Variants in LRRC69 observed in about 807,000 individuals in gnomAD.
LRRC69 encodes the protein leucine rich repeat containing 69.
A neutral mutation model predicts 37.8 loss-of-function variants in LRRC69; 42 were observed. The observed-to-expected ratio is 1.11, with a 90% CI of 0.87 to 1.44. The LOEUF is 1.44. Ranked by LOEUF, LRRC69 falls within the 40% of genes most tolerant of loss-of-function variation. LRRC69 has a pLI of 0.00. For missense variants in LRRC69, 357 were observed against 401.9 expected (o/e 0.89, Z 0.96); for synonymous variants, 141 against 143.1 (o/e 0.99, Z 0.11).
At chr8:91,129,510 T>G (rs1813771510) in intron 3 of LRRC69, among the ~76,000 whole-genome samples, 2 of 151,658 alleles carry the variant, frequency 1.3e-5, no homozygotes, top group South Asian at 4.2e-4. Flanking sequence ...ACAAAAAAGT[T>G]AAAACCAACT....
chr8:91,108,021 A>G (rs1813348968), intron 1 of LRRC69, among the ~76,000 whole-genome samples: 1 of 152,082 alleles, frequency 6.6e-6, no homozygotes. Context: ...TAAAACAAAT[A>G]GCCATCATCT....
intron 7 of LRRC69, among the ~76,000 whole-genome samples, chr8:91,203,551 C>T (rs1376634925): frequency 1.3e-5 from 2 of 151,624 alleles, no homozygotes; most frequent in Non-Finnish European, 2.9e-5. Context: ...CACCACCACA[C>T]CTGGCTTTTT....
At chr8:91,109,235 G>A (rs572759716) in intron 1 of LRRC69, among the ~76,000 whole-genome samples, 1 of 152,196 alleles carries the variant, frequency 6.6e-6, no homozygotes, top group Non-Finnish European at 1.5e-5. Flanking sequence ...TGCTGGAAAT[G>A]CAGCTTCTCT....
In LRRC69 at chr8:91,202,909, A is replaced by T. The variant is rs774610029; in HGVS notation, c.933+2117A>T. Among the ~76,000 whole-genome samples, 4 of 152,230 alleles carry T rather than the reference A, an allele frequency of 2.6e-5. No homozygotes were observed. In the South Asian group the frequency reaches 8.3e-4, roughly 32 times the overall value. On this transcript the variant is annotated intron_variant, in intron 7 of 7. Coordinates refer to ENST00000448384, the Ensembl canonical transcript of LRRC69. ...AGACCAGCTGAGAGATGATGATCGC[A>T]GTGGCAATGGAGGGAAATTATGGAT...
At chr8:91,129,300 T>C (rs62526686) in intron 3 of LRRC69, among the ~76,000 whole-genome samples, 70,250 of 151,716 alleles carry the variant, frequency 0.46, 17,931 homozygotes, top group South Asian at 0.65. Flanking sequence ...TGTTCTTCAA[T>C]CTCCTGGGGA....
intron 5 of LRRC69, among the ~76,000 whole-genome samples, chr8:91,150,461 T>C (rs1808712547): frequency 6.6e-6 from 1 of 152,024 alleles, no homozygotes; most frequent in Non-Finnish European, 1.5e-5. Flanking sequence ...GATAAGCTTT[T>C]TGATGTGCTG....
chr8:91,152,954 C>T lies in LRRC69; in HGVS notation c.651+17215C>T, dbSNP rs1411037977. ...GACAAATTGGATAAAGTGTCAAGAC[C>T]CATCAGTGTGCTGTATTCAAGAGAC... On this transcript the variant is annotated intron_variant, in intron 5 of 7. Coordinates refer to ENST00000448384, the Ensembl canonical transcript of LRRC69. Among the ~76,000 whole-genome samples the T allele has an allele frequency of 9.9e-5, 15 of 151,060 alleles. No homozygotes were observed. In the Admixed American group the frequency reaches 9.9e-4, roughly 10 times the overall value.
chr8:91,174,184 T>C (rs1189535001), intron 5 of LRRC69, among the ~76,000 whole-genome samples: 1 of 152,102 alleles, frequency 6.6e-6, no homozygotes, highest in African/African-American at 2.4e-5. Context: ...TCATAGAGGC[T>C]GTGTGGAAGA....
intron 5 of LRRC69, among the ~76,000 whole-genome samples, chr8:91,181,681 A>G (rs1270066765): frequency 6.6e-6 from 1 of 152,208 alleles, no homozygotes; most frequent in East Asian, 1.9e-4. Flanking sequence ...CAAGAGAGAC[A>G]TTGTAGAGTT....
At chr8:91,113,786 G>T (rs1813453500) in intron 1 of LRRC69, among the ~76,000 whole-genome samples, 1 of 151,654 alleles carries the variant, frequency 6.6e-6, no homozygotes, top group South Asian at 2.1e-4. Context: ...CAGAATGGGA[G>T]AAAATATTTG....
At chr8:91,174,442 G>A (rs1809189548) in intron 5 of LRRC69, among the ~76,000 whole-genome samples, 1 of 152,164 alleles carries the variant, frequency 6.6e-6, no homozygotes, top group Non-Finnish European at 1.5e-5. Context: ...ACCACACTGG[G>A]CCTTGTATGG....
intron 5 of LRRC69, among the ~76,000 whole-genome samples, chr8:91,182,515 C>G (rs1809342472): frequency 6.6e-6 from 1 of 152,122 alleles, no homozygotes; most frequent in South Asian, 2.1e-4. Flanking sequence ...ATTTACTCTG[C>G]CACAGGAACT....
intron 5 of LRRC69, among the ~76,000 whole-genome samples, chr8:91,156,194 A>G (rs1215312730): frequency 1.3e-5 from 2 of 150,902 alleles, no homozygotes; most frequent in African/African-American, 4.8e-5. Context: ...TTGTGTTCTC[A>G]CCAGCATTTA....
At chr8:91,161,227 T>C (rs2130565158) in intron 5 of LRRC69, among the ~76,000 whole-genome samples, 1 of 151,602 alleles carries the variant, frequency 6.6e-6, no homozygotes, top group South Asian at 2.1e-4. Context: ...TGCATCTGTG[T>C]TCATCAAGGT....
At chr8:91,130,625 ATTTGTC>A (rs1256426472) in intron 3 of LRRC69, 2 of 151,916 alleles carry the variant, frequency 1.3e-5, no homozygotes, top group East Asian at 3.9e-4. Flanking sequence ...GCCCTAAATC[ATTTGTC>A]TTTTCTCCTA....
At chr8:91,170,271 C>T (rs1464545678) in intron 5 of LRRC69, among the ~76,000 whole-genome samples, 2 of 84,622 alleles carry the variant, frequency 2.4e-5, no homozygotes, top group African/African-American at 5.1e-5. Flanking sequence ...TCTCTGATGG[C>T]CAGTGATGAT....
intron 5 of LRRC69, among the ~76,000 whole-genome samples, chr8:91,153,488 A>AAACAACTGAAATAAT (rs1808778256): frequency 6.6e-6 from 1 of 151,452 alleles, no homozygotes; most frequent in Admixed American, 6.6e-5. Context: ...GCAAATTGCA[A>AAACAACTGAAATAAT]AACAACTGAA....
At chr8:91,207,425 A>G (rs1809823470) in intron 7 of LRRC69, among the ~76,000 whole-genome samples, 1 of 152,190 alleles carries the variant, frequency 6.6e-6, no homozygotes, top group African/African-American at 2.4e-5. Context: ...TTCAGACAAG[A>G]AAGAGAGAAT....
chr8:91,197,417 C>T (rs1244447097), intron 6 of LRRC69, among the ~76,000 whole-genome samples: 1 of 152,170 alleles, frequency 6.6e-6, no homozygotes. Flanking sequence ...CAAGCCTGGC[C>T]AATGGCGGGC....
Sources: gnomAD v4.1 joint callset for allele counts (sites outside exome capture counted in the v4.1 genomes callset) on GRCh38, gnomAD v4.1.1 for gene constraint, MANE v1.5 for transcripts, NCBI Gene and HGNC (gene_info 2026-07-23, HGNC 2026-07-21) for gene names.